The following CSMD1 variants were observed in gnomAD, a reference collection of about 807,000 sequenced individuals.
The protein encoded by CSMD1 is CUB and sushi domain-containing protein 1.
In CSMD1, 213 loss-of-function variants were observed where a neutral mutation model predicts 417.5. The ratio of observed to expected loss-of-function variants is 0.51; its 90% CI spans 0.46 to 0.57. The LOEUF is 0.57. Ranked by LOEUF, CSMD1 falls within the 20% of genes least tolerant of loss-of-function variation. The probability of loss-of-function intolerance (pLI) is 0.00; values close to 1 mark genes in which losing one functional copy is unlikely to be tolerated. For missense variants in CSMD1, 6,923 were observed against 4,529.7 expected, an observed-to-expected ratio of 1.53 and a Z score of -15.17; for synonymous variants, 2,862 against 1,736.8, an observed-to-expected ratio of 1.65 and a Z score of -16.11.
rs554189412 is a variant in CSMD1, at chr8:3,647,628, T to C, written c.1010-30831A>G. Among the ~76,000 whole-genome samples, 42 of 152,338 alleles carry C rather than the reference T, an allele frequency of 2.8e-4. No individual in the cohort carries two copies. In the South Asian group the frequency reaches 3.5e-3, roughly 13 times the overall value. On this transcript the variant is annotated intron_variant, in intron 7 of 69. Transcript: ENST00000635120. ...TGGCAACATTTGAAATGTGGTATGC[T>C]GCCATGTGATTAAAGCATTCAAACA...
chr8:4,622,402 G>A (rs370450549), intron 2 of CSMD1, among the ~76,000 whole-genome samples: 5 of 152,058 alleles, frequency 3.3e-5, no homozygotes, highest in Admixed American at 2.0e-4. Flanking sequence ...ACCTTCTGGC[G>A]AGCTACCCGA....
chr8:3,102,893 G>A (rs1213174669), intron 46 of CSMD1, among the ~76,000 whole-genome samples: 1 of 152,176 alleles, frequency 6.6e-6, no homozygotes, highest in East Asian at 1.9e-4. Context: ...TTAACAGGAG[G>A]ACCCTTTTAG....
At chr8:2,995,480 G>T (rs973783116) in intron 54 of CSMD1, among the ~76,000 whole-genome samples, 1 of 152,172 alleles carries the variant, frequency 6.6e-6, no homozygotes, top group African/African-American at 2.4e-5. Context: ...CTGGAAAAAT[G>T]CTTGGCAGTT....
At chr8:3,889,226 A>C (rs552893118) in intron 5 of CSMD1, among the ~76,000 whole-genome samples, 2 of 151,798 alleles carry the variant, frequency 1.3e-5, no homozygotes, top group African/African-American at 4.8e-5. Context: ...TAATTAATCA[A>C]ATTTAATAAT....
intron 1 of CSMD1, among the ~76,000 whole-genome samples, chr8:4,637,766 G>C (rs1802924399): frequency 6.9e-6 from 1 of 144,872 alleles, no homozygotes; most frequent in East Asian, 2.2e-4. Flanking sequence ...CGCTTCCCGG[G>C]TTCACGCCAT....
intron 12 of CSMD1, among the ~76,000 whole-genome samples, chr8:3,447,108 G>C (rs1179582889): frequency 6.6e-6 from 1 of 152,118 alleles, no homozygotes; most frequent in Non-Finnish European, 1.5e-5. Context: ...TTAATAAAAG[G>C]ATTAAGAAAA....
At chr8:4,287,216 T>C (rs902193352) in intron 3 of CSMD1, among the ~76,000 whole-genome samples, 5 of 152,230 alleles carry the variant, frequency 3.3e-5, no homozygotes, top group African/African-American at 1.2e-4. Flanking sequence ...TAATTAGATA[T>C]CTTGCCTCTA....
At chr8:4,962,281 G>C (rs1383190779) in intron 1 of CSMD1, among the ~76,000 whole-genome samples, 2 of 151,786 alleles carry the variant, frequency 1.3e-5, no homozygotes, top group African/African-American at 2.4e-5. Context: ...CACAGTCATA[G>C]CTTATGGCAG....
At chr8:4,571,103 T>C (rs1017203231) in intron 2 of CSMD1, among the ~76,000 whole-genome samples, 2 of 152,194 alleles carry the variant, frequency 1.3e-5, no homozygotes, top group African/African-American at 4.8e-5. Flanking sequence ...GCTCCTGGAT[T>C]CACTGAGGTT....
chr8:3,179,281 G>C (rs753742206), intron 37 of CSMD1, among the ~76,000 whole-genome samples: 2 of 152,082 alleles, frequency 1.3e-5, no homozygotes, highest in Non-Finnish European at 2.9e-5. Context: ...TGAAGAATAG[G>C]AACAGAGAAA....
intron 31 of CSMD1, among the ~76,000 whole-genome samples, chr8:3,205,218 G>T (rs987488390): frequency 6.6e-6 from 1 of 152,088 alleles, no homozygotes; most frequent in African/African-American, 2.4e-5. Flanking sequence ...ACAACCAACT[G>T]AAAGAACTAT....
At chr8:3,018,928 T>C (rs1809112282) in intron 51 of CSMD1, among the ~76,000 whole-genome samples, 2 of 152,106 alleles carry the variant, frequency 1.3e-5, no homozygotes, top group Non-Finnish European at 2.9e-5. Flanking sequence ...ACTTTTGTTG[T>C]TGTTGTTGGC....
At chr8:4,653,610 C>G (rs368277212) in intron 1 of CSMD1, among the ~76,000 whole-genome samples, 8 of 152,160 alleles carry the variant, frequency 5.3e-5, no homozygotes, top group Admixed American at 2.6e-4. Flanking sequence ...TCCCAGATAA[C>G]CACCAGTGAC....
chr8:3,368,659 G>A lies in CSMD1; in HGVS notation c.2899+595C>T, dbSNP rs146791925. On this transcript the variant is annotated intron_variant, in intron 19 of 69. Transcript: ENST00000635120. ...TGGCCCCAAATAGACTCTTAAAGATGACACGTTTAGTCACAGAAAAAAGTT... is the reference window on the plus strand; with the variant it reads ...TGGCCCCAAATAGACTCTTAAAGATAACACGTTTAGTCACAGAAAAAAGTT... 1.2e-3 allele frequency among the ~76,000 whole-genome samples: 181 copies of A among 152,198 alleles called. No individual in the cohort carries two copies. The Middle Eastern group carries it at 0.034, about 29-fold the overall frequency.
intron 17 of CSMD1, among the ~76,000 whole-genome samples, chr8:3,394,764 C>G (rs1811584191): frequency 6.6e-6 from 1 of 152,028 alleles, no homozygotes; most frequent in African/African-American, 2.4e-5. Flanking sequence ...TTTAAAGAAA[C>G]AAAATGTAAA....
At chr8:3,446,951 T>G (rs931499947) in intron 12 of CSMD1, among the ~76,000 whole-genome samples, 3 of 152,238 alleles carry the variant, frequency 2.0e-5, no homozygotes, top group African/African-American at 7.2e-5. Flanking sequence ...TGTTGTCTGC[T>G]CACACATAGT....
rs564625187 is a variant in CSMD1, at chr8:3,519,767, T to C, written c.1345-26041A>G. Among the ~76,000 whole-genome samples the C allele has an allele frequency of 1.2e-3, 187 of 152,246 alleles. 1 individual carries two copies. The highest frequency in any genetic ancestry group is 4.1e-3 in the African/African-American group (172 of 41,554). Reference sequence around the variant, plus strand: ...ATGTGTAAAGATAGAAAGTTGGCTGTATGGAACACTTGCATCATTTAATAA... The same window carrying C: ...ATGTGTAAAGATAGAAAGTTGGCTGCATGGAACACTTGCATCATTTAATAA... On this transcript the variant is annotated intron_variant, in intron 10 of 69. Transcript: ENST00000635120.
intron 3 of CSMD1, among the ~76,000 whole-genome samples, chr8:4,142,876 T>C (rs1027552785): frequency 6.6e-6 from 1 of 151,186 alleles, no homozygotes; most frequent in Admixed American, 6.6e-5. Flanking sequence ...TTTGATAATA[T>C]GATTAGTAGC....
chr8:4,134,974 A>C (rs887151346), intron 3 of CSMD1, among the ~76,000 whole-genome samples: 1 of 152,160 alleles, frequency 6.6e-6, no homozygotes, highest in Non-Finnish European at 1.5e-5. Context: ...AGGCAGGCTC[A>C]GCTTAGTGTC....
Sources: allele counts gnomAD v4.1 joint callset (sites outside exome capture counted in the v4.1 genomes callset), GRCh38; gene constraint gnomAD v4.1.1; transcripts MANE v1.5; gene names NCBI Gene and HGNC (gene_info 2026-07-23, HGNC 2026-07-21).